Variants in DCST1 observed in about 807,000 individuals in gnomAD.
DCST1 encodes the protein E3 ubiquitin-protein ligase DCST1.
In DCST1, 78 loss-of-function variants were observed where a neutral mutation model predicts 89.1. That is an observed-to-expected ratio of 0.88 (90% confidence interval 0.73 to 1.06). The LOEUF (loss-of-function observed/expected upper bound fraction) is 1.06, where lower values mean the gene tolerates loss of function less well. DCST1 is among the 50% of genes least tolerant of loss of function. The pLI is 0.00. For missense variants in DCST1, 900 were observed against 928.6 expected, an observed-to-expected ratio of 0.97 and a Z score of 0.40; for synonymous variants, 364 against 371.9, an observed-to-expected ratio of 0.98 and a Z score of 0.24.
chr1:155,049,656 CTTAT>C (rs1272480525), intron 16 of DCST1, among the ~76,000 whole-genome samples: 1 of 152,088 alleles, frequency 6.6e-6, no homozygotes, highest in Non-Finnish European at 1.5e-5. Context: ...GGCAGCCATT[CTTAT>C]TTAATCAGTC....
intron 16 of DCST1, among the ~76,000 whole-genome samples, chr1:155,049,904 A>C (rs888701027): frequency 6.6e-6 from 1 of 152,218 alleles, no homozygotes; most frequent in Non-Finnish European, 1.5e-5. Context: ...ATGTGCAAAG[A>C]CTCAGTCCAC....
In DCST1 at chr1:155,046,212, A is replaced by T. The variant is rs1477615340; in HGVS notation, c.1360A>T (p.Ser454Cys). The T allele has an allele frequency of 1.2e-6, 2 of 1,614,176 alleles. No individual in the cohort carries two copies. Among genetic ancestry groups the T allele is most frequent in the Non-Finnish European group, 1.7e-6 (2 of 1,180,026 alleles). The change falls in exon 12 of 17, where the codon AGC becomes TGC. Residue 454 changes from serine to cysteine, a missense_variant. Coordinates refer to ENST00000295542, the MANE Select transcript of DCST1 (RefSeq NM_152494.4). ...CKPTIQASEM[S>C]NVVRELLETL... ...GCCCACCATCCAGGCCTCAGAAATG[A>T]GCAATGTGGTGAGGACAGCATGGGG...
chr1:155,048,844 A>T, intron 16 of DCST1: 1 of 551,820 alleles, frequency 1.8e-6, no homozygotes, highest in South Asian at 2.6e-5. Context: ...GCTGCAGACC[A>T]GAAGCTCAGT....
Position 155,041,630 on chromosome 1 carries a change from G to C in DCST1, c.748+17G>C. The stretch of plus-strand genomic sequence containing the variant: ...GTTGCTCCTGTGAGGGGTATCCCTG[G>C]GGAGTGGAGGGTGGGGTGGGATGTG... On this transcript the variant is annotated intron_variant, in intron 7 of 16. Coordinates refer to ENST00000295542, the MANE Select transcript of DCST1 (RefSeq NM_152494.4). The C allele has an allele frequency of 2.5e-6, 4 of 1,613,936 alleles. No homozygotes were observed. The highest frequency in any genetic ancestry group is 1.7e-5 in the Admixed American group (1 of 60,002).
intron 16 of DCST1, among the ~76,000 whole-genome samples, chr1:155,048,588 C>T (rs531963962): frequency 7.5e-4 from 114 of 152,320 alleles, no homozygotes; most frequent in African/African-American, 2.6e-3. Flanking sequence ...GCGTGAGCCA[C>T]CAAGCCCAGC....
In DCST1 at chr1:155,042,819, G is replaced by C; in HGVS notation, c.977G>C (p.Gly326Ala). The change falls in exon 9 of 17, where the codon GGC becomes GCC. Residue 326 changes from glycine to alanine, a missense_variant. Physicochemically the swap from Gly to Ala is moderately conservative, Grantham distance 60 (BLOSUM62 0). Coordinates refer to ENST00000295542, the MANE Select transcript of DCST1 (RefSeq NM_152494.4). The part of the protein sequence containing the change: ...TYDSLNQSIR[G>A]LDGEFSANID... ...GACTCCCTCAACCAGTCTATTCGTGGCCTGGATGGGGAATTTTCAGCCAAT... is the reference window on the plus strand; with the variant it reads ...GACTCCCTCAACCAGTCTATTCGTGCCCTGGATGGGGAATTTTCAGCCAAT... 6.2e-7 allele frequency: 1 copy of C among 1,614,192 alleles called. No individual in the cohort carries two copies.
rs781585419 is a variant in DCST1 at position 155,046,485 on chromosome 1, C to T, written c.1494C>T (p.Arg498=). 4.3e-6 allele frequency: 7 copies of T among 1,613,924 alleles called. No individual in the cohort carries two copies. The highest frequency in any genetic ancestry group is 2.2e-5 in the South Asian group (2 of 91,076). The change falls in exon 13 of 17, where the codon CGC becomes CGT. Residue 498 remains arginine (R), a splice_region_variant and synonymous_variant. Transcript: ENST00000295542. ...ACTCCTTCCTGCAGTACTCCTTCCG[C>T]AGTAAGCCCATCCCCCAGACACATT... is the stretch of plus-strand genomic sequence containing the variant. ...RHHSFLQYSF[R]SSHKLEVKVG...
At chr1:155,038,797 C>T (rs555677200) in intron 4 of DCST1, among the ~76,000 whole-genome samples, 18 of 152,324 alleles carry the variant, frequency 1.2e-4, no homozygotes, top group South Asian at 1.0e-3. Flanking sequence ...CTTAGCACAT[C>T]GTGTTGTAGT....
At chr1:155,044,796 G>T (rs1486083502) in intron 10 of DCST1, among the ~76,000 whole-genome samples, 6 of 152,232 alleles carry the variant, frequency 3.9e-5, no homozygotes, top group Non-Finnish European at 7.3e-5. Flanking sequence ...TGGAACTGGC[G>T]GTGGTGGCAA....
intron 4 of DCST1, 140 bp downstream of exon 4, chr1:155,034,867 G>A (rs956200868): frequency 1.2e-5 from 11 of 892,730 alleles, no homozygotes; most frequent in African/African-American, 6.6e-5. Flanking sequence ...TGGGCTTTAC[G>A]GGGAGGTCCA....
chr1:155,045,810 CTG>C (rs1660600590), intron 10 of DCST1, 81 bp from the exon 11 acceptor site: 5 of 1,194,242 alleles, frequency 4.2e-6, no homozygotes, highest in Non-Finnish European at 6.2e-6. Flanking sequence ...GGTTGAATGA[CTG>C]TGCCTCAAGG....
rs1290484371 is a variant in DCST1 at position 155,048,172 on chromosome 1, T to C, written c.1869+2T>C. 7 of 1,613,180 alleles carry C rather than the reference T, an allele frequency of 4.3e-6. No homozygotes were observed. Among genetic ancestry groups the C allele is most frequent in the Non-Finnish European group, 5.1e-6 (6 of 1,179,578 alleles). ...CGGGAGCGACAGCAGAAGGCTCCGG[T>C]AAGTCCAGGCGTAAGTGCTGCTGCC... On this transcript the variant is annotated splice_donor_variant, in intron 16 of 16. Coordinates refer to ENST00000295542, the MANE Select transcript of DCST1 (RefSeq NM_152494.4). LOFTEE classifies it high-confidence loss of function.
chr1:155,049,104 G>T (rs1298181350), intron 16 of DCST1: 2 of 716,094 alleles, frequency 2.8e-6, no homozygotes, highest in Middle Eastern at 4.6e-4. Flanking sequence ...TGGGACTCCG[G>T]TGCCAGAGGG....
intron 4 of DCST1, among the ~76,000 whole-genome samples, chr1:155,037,438 CTTTTTTT>C (rs781136167): frequency 7.9e-6 from 1 of 125,816 alleles, no homozygotes; most frequent in East Asian, 2.3e-4. Flanking sequence ...CATTGTTGGT[CTTTTTTT>C]TTTTTTTTTT....
At chr1:155,046,251 G>C (rs1250966387) in intron 12 of DCST1, 31 bp downstream of exon 12, 7 of 1,614,030 alleles carry the variant, frequency 4.3e-6, no homozygotes, top group Non-Finnish European at 5.9e-6. Flanking sequence ...GGACTCCTGG[G>C]TGCAAAGACA....
intron 4 of DCST1, among the ~76,000 whole-genome samples, chr1:155,036,654 C>T (rs919654122): frequency 6.6e-6 from 1 of 152,254 alleles, no homozygotes. Flanking sequence ...GGACAAAAGT[C>T]TTAAGTCACT....
Position 155,043,471 on chromosome 1 carries a change from C to A in DCST1, c.1134C>A (p.His378Gln). The change falls in exon 10 of 17, where the codon CAC becomes CAA. Residue 378 changes from histidine (H) to glutamine (Q), a missense_variant. Physicochemically the swap from His to Gln is conservative, Grantham distance 24. Transcript: ENST00000295542. The part of the protein sequence containing the change: ...ARLEWALGLL[H>Q]VLLSCTFLLV... Reference sequence around the variant, plus strand: ...TGGAGTGGGCCCTGGGGCTGCTGCACGTGCTGCTCTCCTGCACTTTCCTGC... The same window carrying A: ...TGGAGTGGGCCCTGGGGCTGCTGCAAGTGCTGCTCTCCTGCACTTTCCTGC... 6.2e-7 allele frequency: 1 copy of A among 1,608,980 alleles called. No homozygotes were observed. The highest frequency in any genetic ancestry group is 8.5e-7 in the Non-Finnish European group (1 of 1,177,642).
chr1:155,038,684 C>T (rs1442945137), intron 4 of DCST1, among the ~76,000 whole-genome samples: 1 of 152,228 alleles, frequency 6.6e-6, no homozygotes, highest in East Asian at 1.9e-4. Context: ...GCCCAGCTGA[C>T]ACGTCCTGTC....
In DCST1 at chr1:155,041,595, A is replaced by G; in HGVS notation, c.730A>G (p.Thr244Ala). The stretch of plus-strand genomic sequence containing the variant: ...GACACAGAAGATGTATGAGCTGAAG[A>G]CCAAGCTGCGTTGCTCCTGTGAGGG... Reference protein sequence around the residue: ...LSTQKMYELKTKLRCSYVVNQ... With the variant: ...LSTQKMYELKAKLRCSYVVNQ... Residue 244 changes from threonine (T) to alanine (A), a missense_variant, in exon 7 of 17, where the codon ACC becomes GCC. By Grantham distance (58) the Thr-to-Ala change is moderately conservative (BLOSUM62 0). Coordinates refer to ENST00000295542, the MANE Select transcript of DCST1 (RefSeq NM_152494.4). 1 of 1,614,132 alleles carries G rather than the reference A, an allele frequency of 6.2e-7. No individual in the cohort carries two copies. Among genetic ancestry groups the G allele is most frequent in the Middle Eastern group, 1.6e-4 (1 of 6,062 alleles).
Sources: allele counts gnomAD v4.1 joint callset (sites outside exome capture counted in the v4.1 genomes callset), GRCh38; gene constraint gnomAD v4.1.1; transcripts MANE v1.5; gene names NCBI Gene and HGNC (gene_info 2026-07-23, HGNC 2026-07-21).